The following DNAI1 variants were observed in gnomAD, a reference collection of about 807,000 sequenced individuals.
DNAI1 encodes dynein, axonemal, intermediate polypeptide 1.
In DNAI1, 67 loss-of-function variants were observed where a neutral mutation model predicts 92.0. The observed-to-expected ratio is 0.73, with a 90% CI of 0.60 to 0.89. The LOEUF is 0.89. DNAI1 is among the 40% of genes least tolerant of loss of function. DNAI1 has a pLI of 0.00. For missense variants in DNAI1, 839 were observed against 866.6 expected (o/e 0.97, Z 0.40); for synonymous variants, 323 against 319.6 (o/e 1.01, Z -0.11).
intron 2 of DNAI1, 82 bp downstream of exon 2, chr9:34,483,562 G>T (rs376570021): frequency 4.4e-6 from 6 of 1,370,472 alleles, no homozygotes; most frequent in Non-Finnish European, 5.1e-6. Flanking sequence ...TGTGTTTTTA[G>T]AAAATGCAAA....
chr9:34,519,865 C>T (rs1825235884), intron 19 of DNAI1, among the ~76,000 whole-genome samples: 1 of 152,190 alleles, frequency 6.6e-6, no homozygotes, highest in South Asian at 2.1e-4. Context: ...CAGCCCTCAC[C>T]CCCCTGCCTG....
At chr9:34,479,523 G>T (rs1824300632) in intron 1 of DNAI1, among the ~76,000 whole-genome samples, 1 of 152,134 alleles carries the variant, frequency 6.6e-6, no homozygotes, top group Admixed American at 6.6e-5. Flanking sequence ...CACTCAAATT[G>T]CCTTGTCAGT....
chr9:34,500,923 C>A, intron 11 of DNAI1, 84 bp downstream of exon 11: 1 of 1,141,432 alleles, frequency 8.8e-7, no homozygotes, highest in South Asian at 1.2e-5. Flanking sequence ...TGCACTTAAC[C>A]ACCTTGAGTA....
At chr9:34,500,248 T>A (rs1824801700) in intron 10 of DNAI1, among the ~76,000 whole-genome samples, 1 of 152,120 alleles carries the variant, frequency 6.6e-6, no homozygotes, top group African/African-American at 2.4e-5. Flanking sequence ...CTAGGCAGCT[T>A]CATTATAGGG....
intron 16 of DNAI1, among the ~76,000 whole-genome samples, chr9:34,513,929 G>A (rs780205133): frequency 4.6e-5 from 7 of 152,180 alleles, no homozygotes; most frequent in Non-Finnish European, 1.0e-4. Context: ...GTCAGCTTCT[G>A]GCTCTGCACC....
chr9:34,512,071 T>A, intron 13 of DNAI1, 38 bp from the exon 14 acceptor site: 1 of 1,602,798 alleles, frequency 6.2e-7, no homozygotes, highest in Non-Finnish European at 8.5e-7. Context: ...CTCAACACTT[T>A]AGCAGGGTCC....
chr9:34,488,646 C>T (rs568772727), intron 4 of DNAI1: 1 of 155,476 alleles, frequency 6.4e-6, no homozygotes, highest in South Asian at 2.0e-4. Flanking sequence ...AGGAACCAGA[C>T]TACAAGCTCT....
chr9:34,486,713 C>G (rs185671018), intron 4 of DNAI1, among the ~76,000 whole-genome samples: 2 of 152,256 alleles, frequency 1.3e-5, no homozygotes, highest in African/African-American at 2.4e-5. Flanking sequence ...ACAATGACCA[C>G]CACAATTTTA....
At chr9:34,496,973 C>T (rs966584542) in intron 9 of DNAI1, 142 bp from the exon 10 acceptor site, 7 of 739,214 alleles carry the variant, frequency 9.5e-6, no homozygotes, top group South Asian at 5.7e-5. Context: ...TTGAGACATG[C>T]AGAGAAACCT....
chr9:34,476,433 A>G (rs1824238580), intron 1 of DNAI1, among the ~76,000 whole-genome samples: 1 of 152,176 alleles, frequency 6.6e-6, no homozygotes, highest in African/African-American at 2.4e-5. Context: ...TCCAGGACAG[A>G]CCGAGTGGGG....
Position 34,490,023 on chromosome 9 carries a change from T to G in DNAI1, c.400T>G (p.Ser134Ala), listed in dbSNP as rs780790033. 6.2e-7 allele frequency: 1 copy of G among 1,613,820 alleles called. No homozygotes were observed. The highest frequency in any genetic ancestry group is 1.1e-5 in the South Asian group (1 of 91,050). The change falls in exon 6 of 20, where the codon TCT becomes GCT. Residue 134 changes from serine to alanine, a missense_variant. Physicochemically the swap from Ser to Ala is moderately conservative, Grantham distance 99. Transcript: ENST00000242317. The stretch of plus-strand genomic sequence containing the variant: ...AGTATCCTACCAAGGTTCTCAGGAG[T>G]CTGTCAAGGTGATTTCAGAAACAGG... ...RDELVAGSQE[S>A]VKVISETGNL...
chr9:34,482,107 A>C (rs1244177593), intron 1 of DNAI1, among the ~76,000 whole-genome samples: 2 of 152,234 alleles, frequency 1.3e-5, no homozygotes, highest in East Asian at 3.9e-4. Context: ...CAGGTTCTCC[A>C]AGTCCCCACC....
intron 1 of DNAI1, among the ~76,000 whole-genome samples, chr9:34,468,904 G>T (rs1400242773): frequency 6.6e-6 from 1 of 151,848 alleles, no homozygotes; most frequent in Non-Finnish European, 1.5e-5. Context: ...AATAATAAAA[G>T]AGAGGGCCTT....
At chr9:34,483,304 G>A (rs1037775374) in intron 1 of DNAI1, 144 bp from the exon 2 acceptor site, 84 of 766,014 alleles carry the variant, frequency 1.1e-4, no homozygotes, top group South Asian at 4.3e-4. Flanking sequence ...GAGAGCAAGC[G>A]AGGGCTCTGA....
At chr9:34,460,720 T>C (rs1275585144) in intron 1 of DNAI1, among the ~76,000 whole-genome samples, 4 of 152,232 alleles carry the variant, frequency 2.6e-5, no homozygotes, top group African/African-American at 9.6e-5. Flanking sequence ...TGGAGTGCAG[T>C]GGCGCAATCT....
intron 1 of DNAI1, among the ~76,000 whole-genome samples, chr9:34,470,516 G>A (rs987557220): frequency 6.6e-6 from 1 of 152,204 alleles, no homozygotes; most frequent in African/African-American, 2.4e-5. Context: ...GATAAATGGG[G>A]ACATTTTAAA....
intron 1 of DNAI1, among the ~76,000 whole-genome samples, chr9:34,464,292 A>G (rs1322073007): frequency 2.0e-5 from 3 of 152,080 alleles, no homozygotes. Flanking sequence ...GTGACTTCCC[A>G]TTGCTCTTAG....
At position 34,517,485 on chromosome 9, in the gene DNAI1, T is replaced by G. The variant is rs752098710; in HGVS notation, c.2001+18T>G. ...TGCCAAAGGTACAGGCTCTGGGACT[T>G]TGAGCTGCTGCAAGACGTAAAGTCT... On this transcript the variant is annotated intron_variant, in intron 19 of 19. Coordinates refer to ENST00000242317, the MANE Select transcript of DNAI1 (RefSeq NM_012144.4). 6.2e-7 allele frequency: 1 copy of G among 1,613,938 alleles called. No homozygotes were observed. The highest frequency in any genetic ancestry group is 1.3e-5 in the African/African-American group (1 of 74,898).
At chr9:34,469,078 A>G (rs1335365073) in intron 1 of DNAI1, among the ~76,000 whole-genome samples, 1 of 152,160 alleles carries the variant, frequency 6.6e-6, no homozygotes, top group Non-Finnish European at 1.5e-5. Flanking sequence ...AGCCCCAAGC[A>G]GGATAAATAC....
Sources: allele counts gnomAD v4.1 joint callset (sites outside exome capture counted in the v4.1 genomes callset), GRCh38; gene constraint gnomAD v4.1.1; transcripts MANE v1.5; gene names NCBI Gene and HGNC (gene_info 2026-07-23, HGNC 2026-07-21).